Variants in CHST12 observed in about 807,000 individuals in gnomAD.
CHST12 encodes carbohydrate (chondroitin 4) sulfotransferase 12.
A neutral mutation model predicts 27.9 loss-of-function variants in CHST12; 23 were observed. That is an observed-to-expected ratio of 0.82 (90% CI 0.59 to 1.17). The LOEUF is 1.17. Among genes scored for constraint, CHST12 ranks in the 50% most tolerant of loss-of-function variants. The pLI is 0.00. For synonymous variants in CHST12, 322 were observed against 273.0 expected (o/e 1.18, Z -1.77); for missense variants, 682 against 603.0 (o/e 1.13, Z -1.37).
At chr7:2,421,910 C>T (rs1781985169) in intron 1 of CHST12, among the ~76,000 whole-genome samples, 1 of 152,058 alleles carries the variant, frequency 6.6e-6, no homozygotes, top group African/African-American at 2.4e-5. Flanking sequence ...AAAATATTTT[C>T]CTTGTAATTA....
At chr7:2,408,358 G>A (rs1327698956) in intron 1 of CHST12, among the ~76,000 whole-genome samples, 5 of 95,680 alleles carry the variant, frequency 5.2e-5, no homozygotes, top group Non-Finnish European at 1.9e-5. Flanking sequence ...GTGAGACTCC[G>A]TCTCAAAAAA....
intron 1 of CHST12, among the ~76,000 whole-genome samples, chr7:2,425,325 A>C (rs1200383685): frequency 6.6e-6 from 1 of 152,044 alleles, no homozygotes; most frequent in Non-Finnish European, 1.5e-5. Flanking sequence ...CAGTGCAGAC[A>C]AGGGTGAGTG....
Position 2,432,690 on chromosome 7 carries a change from C to A in CHST12, c.51C>A (p.Phe17Leu), listed in dbSNP as rs1782310401. ...TGTGGCTGGTGCTGGGGTCGGTGTTCATGATCCTGCTGATCATCGTGTACT... is the reference window on the plus strand; with the variant it reads ...TGTGGCTGGTGCTGGGGTCGGTGTTAATGATCCTGCTGATCATCGTGTACT... Reference protein sequence around the residue: ...FRLWLVLGSVFMILLIIVYWD... With the variant: ...FRLWLVLGSVLMILLIIVYWD... Residue 17 changes from phenylalanine (F) to leucine (L), a missense_variant, in exon 2 of 2, where the codon TTC (phenylalanine) becomes TTA (leucine). Phe to Leu is a conservative substitution (Grantham distance 22). Coordinates refer to ENST00000618655, the MANE Select transcript of CHST12 (RefSeq NM_018641.5). The A allele has an allele frequency of 1.2e-6, 2 of 1,613,652 alleles. No individual in the cohort carries two copies. The highest frequency in any genetic ancestry group is 1.3e-5 in the African/African-American group (1 of 75,060).
chr7:2,405,603 A>T (rs1428640748), intron 1 of CHST12, among the ~76,000 whole-genome samples: 1 of 151,670 alleles, frequency 6.6e-6, no homozygotes, highest in South Asian at 2.1e-4. Context: ...TGGGCAGTGG[A>T]GCTGAGTTGA....
At chr7:2,429,865 C>T (rs988609442) in intron 1 of CHST12, among the ~76,000 whole-genome samples, 16 of 151,998 alleles carry the variant, frequency 1.1e-4, no homozygotes, top group Non-Finnish European at 2.4e-4. Context: ...TTACTGCAGC[C>T]TTGACCTCCT....
chr7:2,437,728 G>A lies in CHST12; in HGVS notation c.*3844G>A, dbSNP rs200457153. 571 of 48,348 alleles carry A rather than the reference G, an allele frequency of 0.012. 3 individuals are homozygous for A. Among genetic ancestry groups the A allele is most frequent in the Middle Eastern group, 0.013 (1 of 78 alleles). 3.0% of individuals were successfully genotyped at this position (48,348 alleles called of 1,614,324 possible). A position where few individuals can be genotyped will look rare whatever the true frequency, so the allele number is the denominator to read the frequency against. On this transcript the variant is annotated 3_prime_UTR_variant, in exon 2 of 2. Transcript: ENST00000618655. ...TAGGAATCAGAACACACACACACACGCGCGCACACACACACACACACACAC... is the reference window on the plus strand; with the variant it reads ...TAGGAATCAGAACACACACACACACACGCGCACACACACACACACACACAC...
In CHST12 at chr7:2,444,283, C is replaced by CAAAAAAAAAAAAAAA. The variant is rs1212965508; in HGVS notation, c.*10410_*10424dup. 5.8e-5 allele frequency: 2 copies of CAAAAAAAAAAAAAAA among 34,338 alleles called. No individual in the cohort carries two copies. Among genetic ancestry groups the CAAAAAAAAAAAAAAA allele is most frequent in the African/African-American group, 1.3e-4 (1 of 7,676 alleles). The allele number at this position is 34,338 out of a possible 1,614,324, so 2.1% of individuals were successfully genotyped here. On this transcript the variant is annotated 3_prime_UTR_variant, in exon 2 of 2. Transcript: ENST00000618655. ...TGGGCGACAGAGCGAGACTCCGTCT[C>CAAAAAAAAAAAAAAA]AAAAAAAAAAAAAAAAAAAAAAAAA...
intron 1 of CHST12, among the ~76,000 whole-genome samples, chr7:2,421,064 A>AT (rs937140890): frequency 4.9e-4 from 70 of 141,654 alleles, no homozygotes; most frequent in Middle Eastern, 3.7e-3. Context: ...TTCTGTGTTA[A>AT]TTTTTTTTTT....
Position 2,433,270 on chromosome 7 carries a change from A to C in CHST12, c.631A>C (p.Ser211Arg). The change falls in exon 2 of 2, where the codon AGC (serine) becomes CGC (arginine). Residue 211 changes from serine to arginine, a missense_variant. Ser to Arg is a moderately radical substitution (Grantham distance 110). Transcript: ENST00000618655. The surrounding 1 kb of genome is among the most constrained non-coding windows in gnomAD (Gnocchi z 6.1). ...CCCGCGCGAGCACGTGCACAACGCC[A>C]GCGCGCACCTGACCTTCAACAAGTT... ...RIPREHVHNA[S>R]AHLTFNKFWR... 1.2e-6 allele frequency: 2 copies of C among 1,611,696 alleles called. No individual in the cohort carries two copies. The highest frequency in any genetic ancestry group is 1.7e-6 in the Non-Finnish European group (2 of 1,178,638).
intron 1 of CHST12, among the ~76,000 whole-genome samples, chr7:2,408,690 C>G (rs1781588812): frequency 6.6e-6 from 1 of 152,176 alleles, no homozygotes; most frequent in African/African-American, 2.4e-5. Flanking sequence ...CAACTTCAGA[C>G]TTGCTCCCAG....
intron 1 of CHST12, among the ~76,000 whole-genome samples, chr7:2,406,053 G>A (rs1160764188): frequency 1.3e-5 from 2 of 152,106 alleles, no homozygotes; most frequent in Non-Finnish European, 2.9e-5. Context: ...GGAGCCATCA[G>A]TGGGAAAAGA....
intron 1 of CHST12, among the ~76,000 whole-genome samples, chr7:2,406,854 T>G (rs985014461): frequency 2.0e-5 from 3 of 151,924 alleles, no homozygotes; most frequent in Non-Finnish European, 4.4e-5. Flanking sequence ...TACAGGAGAT[T>G]GAGACCAGAA....
rs143564289 is a variant in CHST12, at chr7:2,430,300, T to G, written c.-77-2263T>G. 5.1e-3 allele frequency among the ~76,000 whole-genome samples: 775 copies of G among 152,130 alleles called. 6 individuals carry two copies. Among genetic ancestry groups the G allele is most frequent in the African/African-American group, 0.018 (755 of 41,550 alleles). ...ATATAAAATATTTCAATTCTTTTAT[T>G]TTTATTTATTTATTCATTTTTATTT... On this transcript the variant is annotated intron_variant, in intron 1 of 1. Coordinates refer to ENST00000618655, the MANE Select transcript of CHST12 (RefSeq NM_018641.5).
chr7:2,427,109 C>T lies in CHST12; in HGVS notation c.-77-5454C>T, dbSNP rs370550207. On this transcript the variant is annotated intron_variant, in intron 1 of 1. Coordinates refer to ENST00000618655, the MANE Select transcript of CHST12 (RefSeq NM_018641.5). Reference sequence around the variant, plus strand: ...CTGAGGCATGAGAATCACTTGAACCCGGGAGGCGGAGGTTGCAGTGAGCCA... The same window carrying T: ...CTGAGGCATGAGAATCACTTGAACCTGGGAGGCGGAGGTTGCAGTGAGCCA... Among the ~76,000 whole-genome samples, 336 of 136,520 alleles carry T rather than the reference C, an allele frequency of 2.5e-3. 4 individuals carry two copies. The South Asian group carries it at 0.036, about 15-fold the overall frequency. The allele number at this position is 136,520 out of a possible 152,430, so 89.6% of individuals were successfully genotyped here. A position where few individuals can be genotyped will look rare whatever the true frequency, so the allele number is the denominator to read the frequency against.
intron 1 of CHST12, among the ~76,000 whole-genome samples, chr7:2,412,931 G>C (rs1191759548): frequency 6.6e-6 from 1 of 150,766 alleles, no homozygotes; most frequent in Non-Finnish European, 1.5e-5. Flanking sequence ...ACTGGCTCTT[G>C]GTAGAAAGCA....
intron 1 of CHST12, among the ~76,000 whole-genome samples, chr7:2,431,407 C>T (rs1782266267): frequency 6.6e-6 from 1 of 152,230 alleles, no homozygotes; most frequent in East Asian, 1.9e-4. Flanking sequence ...CTCTAACCAC[C>T]TCACGCCATG....
At position 2,433,140 on chromosome 7, in the gene CHST12, C is replaced by T. The variant is rs1388151391; in HGVS notation, c.501C>T (p.Tyr167=). The T allele has an allele frequency of 6.8e-6, 11 of 1,612,714 alleles. No homozygotes were observed. The highest frequency in any genetic ancestry group is 8.5e-6 in the Non-Finnish European group (10 of 1,179,504). Residue 167 remains tyrosine (Y), a synonymous_variant, in exon 2 of 2, where the codon TAC becomes TAT. Transcript: ENST00000618655. The surrounding 1 kb of genome is among the most constrained non-coding windows in gnomAD (Gnocchi z 6.1). ...TGGACGACCGGCACGGGGCCATCTA[C>T]TGCTACGTGCCCAAGGTGGCCTGCA... ...LIVDDRHGAI[Y]CYVPKVACTN...
chr7:2,433,084 A>G lies in CHST12; in HGVS notation c.445A>G (p.Ile149Val). ...CACCAAGGAGCGCGCATTCGACGACATCCCCAACTCGGAGCTGAGCCACCT... is the reference window on the plus strand; with the variant it reads ...CACCAAGGAGCGCGCATTCGACGACGTCCCCAACTCGGAGCTGAGCCACCT... ...FPTKERAFDD[I>V]PNSELSHLIV... is the part of the protein sequence containing the mutation. Residue 149 changes from isoleucine to valine, a missense_variant, in exon 2 of 2, where the codon ATC becomes GTC. Ile to Val is a conservative substitution (Grantham distance 29). Coordinates refer to ENST00000618655, the MANE Select transcript of CHST12 (RefSeq NM_018641.5). This position sits in a 1 kb window ranked among gnomAD's most constrained non-coding sequence, Gnocchi z 6.1. 1.2e-6 allele frequency: 2 copies of G among 1,612,472 alleles called. No homozygotes were observed. The highest frequency in any genetic ancestry group is 1.7e-6 in the Non-Finnish European group (2 of 1,179,656).
intron 1 of CHST12, among the ~76,000 whole-genome samples, chr7:2,428,114 A>G (rs745460822): frequency 6.6e-6 from 1 of 151,374 alleles, no homozygotes; most frequent in Non-Finnish European, 1.5e-5. Context: ...CTTTCTATAC[A>G]CTGCTGGATT....
Sources: allele counts gnomAD v4.1 joint callset (sites outside exome capture counted in the v4.1 genomes callset), GRCh38; gene constraint gnomAD v4.1.1; non-coding constraint Gnocchi (gnomAD v3.1); transcripts MANE v1.5; gene names NCBI Gene and HGNC (gene_info 2026-07-23, HGNC 2026-07-21).